The following SLC9A2 variants were observed in gnomAD, a reference collection of about 807,000 sequenced individuals.
SLC9A2 encodes solute carrier family 9 member A2.
SLC9A2 carries 42 observed loss-of-function variants against 71.7 expected under a neutral mutation model. The observed-to-expected ratio is 0.59, with a 90% confidence interval of 0.46 to 0.76. The LOEUF is 0.76. Among genes scored for constraint, SLC9A2 ranks in the 30% least tolerant of loss-of-function variants. The pLI, the probability that SLC9A2 is intolerant of heterozygous loss-of-function variation, is 0.00. For missense variants in SLC9A2, 829 were observed against 1,017.4 expected, an observed-to-expected ratio of 0.81 and a Z score of 2.52; for synonymous variants, 396 against 392.5, an observed-to-expected ratio of 1.01 and a Z score of -0.10.
rs1678068404 is a variant in SLC9A2 at position 102,709,802 on chromosome 2, T to G, written c.*1313T>G. 6.6e-6 allele frequency: 1 copy of G among 152,558 alleles called. No homozygotes were observed. The highest frequency in any genetic ancestry group is 2.4e-5 in the African/African-American group (1 of 41,404). 9.5% of individuals were successfully genotyped at this position (152,558 alleles called of 1,614,324 possible). The stretch of plus-strand genomic sequence containing the variant: ...TAACTGTAGATTTTATTGGCCTGTT[T>G]TTTTTTTCTAAATAATTCTTTAAAA... On this transcript the variant is annotated 3_prime_UTR_variant, in exon 12 of 12. Transcript: ENST00000233969.
At chr2:102,624,921 T>C (rs980034861) in intron 1 of SLC9A2, among the ~76,000 whole-genome samples, 3 of 152,228 alleles carry the variant, frequency 2.0e-5, no homozygotes, top group Non-Finnish European at 2.9e-5. Flanking sequence ...ACAGAGACTT[T>C]GATCTCTGAA....
chr2:102,647,222 A>G (rs1676745343), intron 1 of SLC9A2, among the ~76,000 whole-genome samples: 1 of 152,028 alleles, frequency 6.6e-6, no homozygotes, highest in African/African-American at 2.4e-5. Flanking sequence ...GCTGTGTAAA[A>G]AACTGAACAA....
rs1252237031 is a variant in SLC9A2 at position 102,710,703 on chromosome 2, C to G, written c.*2214C>G. 1 of 152,122 alleles carries G rather than the reference C, an allele frequency of 6.6e-6. No homozygotes were observed. Among genetic ancestry groups the G allele is most frequent in the Non-Finnish European group, 1.5e-5 (1 of 67,994 alleles). The allele number at this position is 152,122 out of a possible 1,614,324, so 9.4% of individuals were successfully genotyped here. The stretch of plus-strand genomic sequence containing the variant: ...TTCCTCTTTTTGTAATTCTTAAATT[C>G]TAGTCACTAGTCATTATGAGAGTAT... On this transcript the variant is annotated 3_prime_UTR_variant, in exon 12 of 12. Transcript: ENST00000233969.
At chr2:102,653,403 C>T (rs1317347708) in intron 1 of SLC9A2, among the ~76,000 whole-genome samples, 3 of 152,202 alleles carry the variant, frequency 2.0e-5, no homozygotes, top group Non-Finnish European at 4.4e-5. Flanking sequence ...TTTTCCTCTG[C>T]CTCACTTCCT....
chr2:102,624,500 G>T (rs1676207146), intron 1 of SLC9A2, among the ~76,000 whole-genome samples: 1 of 152,162 alleles, frequency 6.6e-6, no homozygotes, highest in African/African-American at 2.4e-5. Context: ...GCCTACTGGG[G>T]TTTTTGCTAA....
intron 3 of SLC9A2, among the ~76,000 whole-genome samples, chr2:102,666,194 CTTTT>C (rs1266703500): frequency 3.3e-5 from 4 of 119,422 alleles, no homozygotes; most frequent in Admixed American, 1.0e-4. Flanking sequence ...TCCAGTTTAG[CTTTT>C]TTTTTTTTTT....
chr2:102,679,291 G>A (rs1475571500), intron 3 of SLC9A2, among the ~76,000 whole-genome samples: 1 of 152,084 alleles, frequency 6.6e-6, no homozygotes, highest in African/African-American at 2.4e-5. Context: ...TTGGTATCGT[G>A]TTAAGGATAC....
intron 1 of SLC9A2, among the ~76,000 whole-genome samples, chr2:102,646,921 A>G (rs1279535419): frequency 1.3e-5 from 2 of 152,058 alleles, no homozygotes; most frequent in African/African-American, 4.8e-5. Context: ...CAGAAAATTA[A>G]CAAGGATAGT....
chr2:102,634,634 C>G (rs796356604), intron 1 of SLC9A2, among the ~76,000 whole-genome samples: 17 of 152,274 alleles, frequency 1.1e-4, no homozygotes, highest in African/African-American at 4.1e-4. Flanking sequence ...TCTGCCATTG[C>G]TGTTATGAAT....
intron 7 of SLC9A2, among the ~76,000 whole-genome samples, chr2:102,699,980 A>T (rs1677843093): frequency 6.6e-6 from 1 of 152,136 alleles, no homozygotes; most frequent in African/African-American, 2.4e-5. Flanking sequence ...TAAACACTAG[A>T]TCTTCAAATG....
At chr2:102,684,447 T>C in intron 5 of SLC9A2, 111 bp downstream of exon 5, 1 of 967,220 alleles carries the variant, frequency 1.0e-6, no homozygotes. Flanking sequence ...GGTAGTTAAT[T>C]ACTAGGGAAA....
chr2:102,704,861 A>T (rs1039608639), intron 10 of SLC9A2, among the ~76,000 whole-genome samples, 186 bp downstream of exon 10: 3 of 152,136 alleles, frequency 2.0e-5, no homozygotes, highest in African/African-American at 7.2e-5. Context: ...CATTGCCACT[A>T]GTTCAAGGAA....
At chr2:102,654,576 C>T (rs1281573856) in intron 1 of SLC9A2, among the ~76,000 whole-genome samples, 1 of 152,094 alleles carries the variant, frequency 6.6e-6, no homozygotes, top group Admixed American at 6.6e-5. Flanking sequence ...TGGGTTTAGT[C>T]CTGTTTGTAA....
At chr2:102,699,902 C>G (rs1227215524) in intron 7 of SLC9A2, among the ~76,000 whole-genome samples, 2 of 152,186 alleles carry the variant, frequency 1.3e-5, no homozygotes, top group East Asian at 3.9e-4. Context: ...CAAACCTCTT[C>G]TTTTTATAAG....
At chr2:102,703,483 A>G (rs935182243) in intron 9 of SLC9A2, among the ~76,000 whole-genome samples, 7 of 152,168 alleles carry the variant, frequency 4.6e-5, no homozygotes, top group African/African-American at 1.4e-4. Context: ...AGGCTCCCCC[A>G]ACAGCCACCA....
intron 7 of SLC9A2, among the ~76,000 whole-genome samples, chr2:102,697,672 C>T (rs928743498): frequency 6.8e-6 from 1 of 146,548 alleles, no homozygotes; most frequent in Non-Finnish European, 1.5e-5. Flanking sequence ...ACAGGTAGAG[C>T]AGGGAAGTGG....
intron 1 of SLC9A2, among the ~76,000 whole-genome samples, chr2:102,646,768 A>ATATATATATATATATATATATATAT (rs1676731084): frequency 6.8e-5 from 9 of 132,970 alleles, no homozygotes; most frequent in African/African-American, 2.8e-4. Flanking sequence ...AACGATCCTA[A>ATATATATATATATATATATATATAT]ATATATATAT....
chr2:102,677,528 C>T (rs1405568609), intron 3 of SLC9A2, among the ~76,000 whole-genome samples: 2 of 152,168 alleles, frequency 1.3e-5, no homozygotes, highest in Admixed American at 1.3e-4. Context: ...TTGTGCATGC[C>T]TCATCTCCAC....
chr2:102,644,381 C>G (rs895034524), intron 1 of SLC9A2, among the ~76,000 whole-genome samples: 3 of 152,196 alleles, frequency 2.0e-5, no homozygotes, highest in Admixed American at 2.0e-4. Flanking sequence ...AAGCACAAAA[C>G]TAGGTGGCTG....
Sources: gnomAD v4.1 joint callset for allele counts (sites outside exome capture counted in the v4.1 genomes callset) on GRCh38, gnomAD v4.1.1 for gene constraint, MANE v1.5 for transcripts, NCBI Gene and HGNC (gene_info 2026-07-23, HGNC 2026-07-21) for gene names.